The following SLC25A48 variants were observed in gnomAD, a reference collection of about 807,000 sequenced individuals.
SLC25A48 encodes the protein solute carrier family 25 member 48, also known as CTC-321K16.1.
A neutral mutation model predicts 32.2 loss-of-function variants in SLC25A48; 29 were observed. The ratio of observed to expected loss-of-function variants is 0.90; its 90% confidence interval spans 0.67 to 1.23. SLC25A48 has a LOEUF of 1.23. Among genes scored for constraint, SLC25A48 ranks in the 50% most tolerant of loss-of-function variants. SLC25A48 has a pLI of 0.00. For synonymous variants in SLC25A48, 164 were observed against 172.3 expected (o/e 0.95, Z 0.38); for missense variants, 399 against 422.7 (o/e 0.94, Z 0.49).
chr5:135,789,759 C>T (rs1009088734), intron 3 of SLC25A48, among the ~76,000 whole-genome samples: 3 of 151,848 alleles, frequency 2.0e-5, no homozygotes, highest in Non-Finnish European at 4.4e-5. Context: ...GGTATTACTT[C>T]TCGATTGTAC....
chr5:135,748,755 G>A (rs1376726083), intron 3 of SLC25A48, among the ~76,000 whole-genome samples: 3 of 135,332 alleles, frequency 2.2e-5, no homozygotes. Context: ...TGGAGTCTCT[G>A]TTGCCCAGGC....
chr5:135,599,970 A>G (rs1580712951), intron 1 of SLC25A48, among the ~76,000 whole-genome samples: 1 of 151,626 alleles, frequency 6.6e-6, no homozygotes, highest in African/African-American at 2.4e-5. Flanking sequence ...GCCATAACAT[A>G]TCTAAGAAAA....
At chr5:135,852,140 A>AG (rs749058842) in intron 3 of SLC25A48, among the ~76,000 whole-genome samples, 11 of 152,100 alleles carry the variant, frequency 7.2e-5, no homozygotes, top group Non-Finnish European at 1.6e-4. Context: ...GTTGCTCCCC[A>AG]GGGCCTGGCC....
At chr5:135,670,199 T>G (rs1296512245) in intron 3 of SLC25A48, among the ~76,000 whole-genome samples, 1 of 152,150 alleles carries the variant, frequency 6.6e-6, no homozygotes, top group Non-Finnish European at 1.5e-5. Context: ...GAGAGTCCCT[T>G]AACTTTTCTG....
At position 135,834,721 on chromosome 5, in the gene SLC25A48, G is replaced by C. The variant is rs1193609129; in HGVS notation, c.-127G>C. On this transcript the variant is annotated 5_prime_UTR_variant, in exon 1 of 8. Transcript: ENST00000681962. ...CGGTGACTGGGGGACTGGGTTTGGA[G>C]TAGGACCTGCGGCGTGCTCGAGACT... is the stretch of plus-strand genomic sequence containing the variant. The C allele has an allele frequency of 9.6e-7, 1 of 1,043,076 alleles. No individual in the cohort carries two copies. The highest frequency in any genetic ancestry group is 1.4e-6 in the Non-Finnish European group (1 of 728,236). 64.6% of individuals were successfully genotyped at this position (1,043,076 alleles called of 1,614,324 possible). A position where few individuals can be genotyped will look rare whatever the true frequency, so the allele number is the denominator to read the frequency against.
intron 3 of SLC25A48, among the ~76,000 whole-genome samples, chr5:135,808,181 T>C (rs539158218): frequency 3.6e-4 from 54 of 150,780 alleles, no homozygotes; most frequent in Admixed American, 7.3e-4. Context: ...GTGTTAACAC[T>C]AGATATTATA....
intron 3 of SLC25A48, among the ~76,000 whole-genome samples, chr5:135,698,795 A>G (rs1429087832): frequency 6.6e-6 from 1 of 152,262 alleles, no homozygotes; most frequent in Non-Finnish European, 1.5e-5. Context: ...TGAAATACAT[A>G]CATCTGATCA....
At chr5:135,865,283 C>G (rs1761099330) in intron 4 of SLC25A48, among the ~76,000 whole-genome samples, 1 of 152,166 alleles carries the variant, frequency 6.6e-6, no homozygotes, top group African/African-American at 2.4e-5. Context: ...GAGGAAACTG[C>G]TGGACTCTTA....
chr5:135,847,599 G>A (rs1033779120), intron 2 of SLC25A48, among the ~76,000 whole-genome samples: 3 of 152,174 alleles, frequency 2.0e-5, no homozygotes, highest in Non-Finnish European at 4.4e-5. Flanking sequence ...AATTACAAGT[G>A]TCCTTATAAG....
chr5:135,760,806 T>C (rs1580849491), intron 3 of SLC25A48, among the ~76,000 whole-genome samples: 1 of 152,212 alleles, frequency 6.6e-6, no homozygotes, highest in South Asian at 2.1e-4. Flanking sequence ...ATTTAACATA[T>C]GTAGATAAAA....
At chr5:135,591,010 C>G (rs1751512331) in intron 1 of SLC25A48, among the ~76,000 whole-genome samples, 2 of 152,258 alleles carry the variant, frequency 1.3e-5, no homozygotes, top group African/African-American at 4.8e-5. Context: ...GCCACCACAG[C>G]ATCATCCTGC....
At chr5:135,861,677 A>C (rs1760809276) in intron 4 of SLC25A48, among the ~76,000 whole-genome samples, 1 of 152,174 alleles carries the variant, frequency 6.6e-6, no homozygotes, top group Non-Finnish European at 1.5e-5. Flanking sequence ...TAGTGGTATG[A>C]TCAGCGAATA....
intron 3 of SLC25A48, among the ~76,000 whole-genome samples, chr5:135,788,003 G>T (rs1398795046): frequency 6.6e-6 from 1 of 151,882 alleles, no homozygotes; most frequent in Non-Finnish European, 1.5e-5. Flanking sequence ...TGTCACAGGG[G>T]TTGTAATTTC....
intron 3 of SLC25A48, among the ~76,000 whole-genome samples, chr5:135,645,245 CT>C (rs1752932263): frequency 6.6e-6 from 1 of 152,216 alleles, no homozygotes. Flanking sequence ...TTCCTCCTTT[CT>C]GTGAGGGCCC....
chr5:135,770,236 T>A (rs1756370256), intron 3 of SLC25A48, among the ~76,000 whole-genome samples: 1 of 149,622 alleles, frequency 6.7e-6, no homozygotes, highest in Non-Finnish European at 1.5e-5. Context: ...TCCTAATATT[T>A]AAGAGGAGGA....
intron 3 of SLC25A48, among the ~76,000 whole-genome samples, chr5:135,640,358 A>G (rs1752803298): frequency 1.3e-5 from 2 of 152,338 alleles, no homozygotes; most frequent in Admixed American, 6.5e-5. Context: ...ACTTTAAGAA[A>G]TAATTGGCTC....
At chr5:135,791,978 G>T (rs976790255) in intron 3 of SLC25A48, among the ~76,000 whole-genome samples, 11 of 151,880 alleles carry the variant, frequency 7.2e-5, no homozygotes, top group African/African-American at 2.4e-4. Flanking sequence ...TACACACTGT[G>T]ATATTATTTG....
At chr5:135,691,306 TGAG>T (rs1486733508) in intron 3 of SLC25A48, among the ~76,000 whole-genome samples, 1 of 152,138 alleles carries the variant, frequency 6.6e-6, no homozygotes, top group Non-Finnish European at 1.5e-5. Flanking sequence ...CAGACACATA[TGAG>T]GAGGAGGGCT....
intron 3 of SLC25A48, among the ~76,000 whole-genome samples, chr5:135,697,474 C>T (rs1042550305): frequency 1.3e-5 from 2 of 152,220 alleles, no homozygotes. Flanking sequence ...TTTGCTGGCT[C>T]ATGACCTTGG....
Sources: gnomAD v4.1 joint callset for allele counts (sites outside exome capture counted in the v4.1 genomes callset) on GRCh38, gnomAD v4.1.1 for gene constraint, MANE v1.5 for transcripts, NCBI Gene and HGNC (gene_info 2026-07-23, HGNC 2026-07-21) for gene names.